CDH4: variants seen among roughly 807,000 people sequenced by gnomAD.
CDH4 encodes the protein cadherin 4.
Under a neutral mutation model 86.0 loss-of-function variants are expected in CDH4, and 33 were observed. The ratio of observed to expected loss-of-function variants is 0.38; its 90% CI spans 0.29 to 0.51. CDH4 has a LOEUF of 0.51. Ranked by LOEUF, CDH4 falls within the 20% of genes least tolerant of loss-of-function variation. The probability of loss-of-function intolerance (pLI) is 0.86; values close to 1 mark genes in which losing one functional copy is unlikely to be tolerated. For synonymous variants in CDH4, 555 were observed against 549.4 expected (o/e 1.01, Z -0.14); for missense variants, 1,114 against 1,307.4 (o/e 0.85, Z 2.28).
At chr20:61,931,788 G>A (rs1026341210) in intron 13 of CDH4, among the ~76,000 whole-genome samples, 2 of 152,140 alleles carry the variant, frequency 1.3e-5, no homozygotes, top group African/African-American at 4.8e-5. Context: ...CACGGACCTC[G>A]GAAGGCAGGA....
chr20:61,350,142 A>G (rs13038568), intron 2 of CDH4, among the ~76,000 whole-genome samples: 13,839 of 42,658 alleles, frequency 0.32, 854 homozygotes, highest in Middle Eastern at 0.4. Context: ...AGGCCAGCGG[A>G]ACACCTCTGA....
chr20:61,353,674 C>T, intron 2 of CDH4, among the ~76,000 whole-genome samples: 1 of 70,114 alleles, frequency 1.4e-5, no homozygotes, highest in Non-Finnish European at 3.1e-5. Flanking sequence ...CCTCTTCCCC[C>T]TCCTCCTCCC....
chr20:61,325,671 C>T (rs1165915852), intron 2 of CDH4, among the ~76,000 whole-genome samples: 1 of 151,908 alleles, frequency 6.6e-6, no homozygotes, highest in Admixed American at 6.6e-5. Context: ...CACAGCAAAG[C>T]GGGCCCCGAC....
rs568899624 is a variant in CDH4, at chr20:61,900,709, G to C, written c.1188+5662G>C. Among the ~76,000 whole-genome samples, 24 of 152,334 alleles carry C rather than the reference G, an allele frequency of 1.6e-4. No homozygotes were observed. In the South Asian group the frequency reaches 5.0e-3, roughly 32 times the overall value. On this transcript the variant is annotated intron_variant, in intron 8 of 15. Coordinates refer to ENST00000614565, the MANE Select transcript of CDH4 (RefSeq NM_001794.5). ...CTCTCAGGCCTCCTTGGACCCGCCT[G>C]TCCAAGCTGCATGGGAGAGATGGGG...
intron 2 of CDH4, among the ~76,000 whole-genome samples, chr20:61,337,052 C>T (rs2084621035): frequency 1.3e-5 from 2 of 152,038 alleles, no homozygotes; most frequent in African/African-American, 4.8e-5. Flanking sequence ...GGAGACAGGC[C>T]TGGGTTGGAA....
Position 61,756,122 on chromosome 20 carries a change from T to C in CDH4, c.396+12333T>C, listed in dbSNP as rs1175069403. 2.0e-5 allele frequency among the ~76,000 whole-genome samples: 3 copies of C among 152,190 alleles called. No individual in the cohort carries two copies. In the East Asian group the frequency reaches 5.8e-4, roughly 29 times the overall value. Reference sequence around the variant, plus strand: ...ACATTCTGATGAATCACAGACAGCCTAAGAGCACATGGAGGAGGTGCAGGC... The same window carrying C: ...ACATTCTGATGAATCACAGACAGCCCAAGAGCACATGGAGGAGGTGCAGGC... On this transcript the variant is annotated intron_variant, in intron 3 of 15. Transcript: ENST00000614565.
chr20:61,876,228 A>C (rs1343318426), intron 7 of CDH4, among the ~76,000 whole-genome samples: 1 of 152,206 alleles, frequency 6.6e-6, no homozygotes, highest in East Asian at 1.9e-4. Flanking sequence ...CCTAGAGCCC[A>C]CAGACTGCCC....
chr20:61,726,648 C>T (rs2088115135), intron 2 of CDH4, among the ~76,000 whole-genome samples: 1 of 152,010 alleles, frequency 6.6e-6, no homozygotes, highest in African/African-American at 2.4e-5. Context: ...GTCCCATCAC[C>T]ACCATCATGA....
chr20:61,450,933 G>A (rs1467792261), intron 2 of CDH4, among the ~76,000 whole-genome samples: 12 of 151,878 alleles, frequency 7.9e-5, no homozygotes, highest in Admixed American at 7.9e-4. Context: ...CCCAGGTCCT[G>A]AGGAGTCCCT....
chr20:61,379,224 G>A (rs1308425625), intron 2 of CDH4, among the ~76,000 whole-genome samples: 1 of 152,042 alleles, frequency 6.6e-6, no homozygotes, highest in African/African-American at 2.4e-5. Context: ...TCCTCGGAAG[G>A]GTCTGAGGAT....
chr20:61,514,715 C>T (rs1339798194), intron 2 of CDH4, among the ~76,000 whole-genome samples: 2 of 152,234 alleles, frequency 1.3e-5, no homozygotes, highest in Non-Finnish European at 2.9e-5. Flanking sequence ...AGTACATGGA[C>T]ATGACCCTTG....
At position 61,825,652 on chromosome 20, in the gene CDH4, T is replaced by TACAAGGCAGAAAATGGAAGCAGAATTTGA. The variant is rs1339332449; in HGVS notation, c.577-19013_577-18985dup. 2.0e-5 allele frequency among the ~76,000 whole-genome samples: 3 copies of TACAAGGCAGAAAATGGAAGCAGAATTTGA among 152,202 alleles called. No homozygotes were observed. In the East Asian group the frequency reaches 5.8e-4, roughly 29 times the overall value. ...GGAAGTTAAGTGACTTGCCCAAGATTACAAGGCAGAAAATGGAAGCAGAAT... is the reference window on the plus strand; with the variant it reads ...GGAAGTTAAGTGACTTGCCCAAGATTACAAGGCAGAAAATGGAAGCAGAATTTGAACAAGGCAGAAAATGGAAGCAGAAT... On this transcript the variant is annotated intron_variant, in intron 4 of 15. Coordinates refer to ENST00000614565, the MANE Select transcript of CDH4 (RefSeq NM_001794.5).
chr20:61,643,212 T>A (rs1354544978), intron 2 of CDH4, among the ~76,000 whole-genome samples: 5 of 150,428 alleles, frequency 3.3e-5, no homozygotes, highest in African/African-American at 1.2e-4. Context: ...GGAGGGGGGG[T>A]GTAGAGAGAG....
At chr20:61,315,747 A>G (rs1272738441) in intron 2 of CDH4, among the ~76,000 whole-genome samples, 3 of 152,252 alleles carry the variant, frequency 2.0e-5, no homozygotes, top group African/African-American at 7.2e-5. Flanking sequence ...TCTGTCACCC[A>G]TGCTGGAGTG....
rs565249338 is a variant in CDH4 at position 61,576,192 on chromosome 20, CT to C, written c.170-167367del. The stretch of plus-strand genomic sequence containing the variant: ...CTTCTCAGTGTGGGCTTTATTTTGA[CT>C]TTTATTTTTTGTGTGTGAACATAAA... On this transcript the variant is annotated intron_variant, in intron 2 of 15. Coordinates refer to ENST00000614565, the MANE Select transcript of CDH4 (RefSeq NM_001794.5). Among the ~76,000 whole-genome samples the C allele has an allele frequency of 2.3e-4, 35 of 152,274 alleles. 1 individual carries two copies. The South Asian group carries it at 4.6e-3, about 20-fold the overall frequency.
chr20:61,601,489 C>T (rs1041288963), intron 2 of CDH4, among the ~76,000 whole-genome samples: 6 of 152,300 alleles, frequency 3.9e-5, no homozygotes, highest in Middle Eastern at 3.4e-3. Flanking sequence ...GGGCAGCCTG[C>T]GGCCCAACAC....
intron 2 of CDH4, among the ~76,000 whole-genome samples, chr20:61,270,068 T>G (rs1600819964): frequency 6.6e-6 from 1 of 152,250 alleles, no homozygotes; most frequent in African/African-American, 2.4e-5. Flanking sequence ...ACATTTCTTA[T>G]GTGTGGCCCA....
At chr20:61,485,316 G>A (rs1417540567) in intron 2 of CDH4, among the ~76,000 whole-genome samples, 1 of 152,136 alleles carries the variant, frequency 6.6e-6, no homozygotes, top group African/African-American at 2.4e-5. Context: ...ATTTGGGGTG[G>A]CTATTGTGGA....
intron 2 of CDH4, among the ~76,000 whole-genome samples, chr20:61,592,146 TC>T (rs1361499689): frequency 6.6e-6 from 1 of 151,984 alleles, no homozygotes; most frequent in African/African-American, 2.4e-5. Context: ...TCAGGTGCTT[TC>T]CCCCAGCCAT....
Sources: allele counts gnomAD v4.1 joint callset (sites outside exome capture counted in the v4.1 genomes callset), GRCh38; gene constraint gnomAD v4.1.1; transcripts MANE v1.5; gene names NCBI Gene and HGNC (gene_info 2026-07-23, HGNC 2026-07-21).